Variants in ECSIT observed in about 807,000 individuals in gnomAD.
The protein encoded by ECSIT is ECSIT signaling integrator.
Under a neutral mutation model 36.8 loss-of-function variants are expected in ECSIT, and 29 were observed. That is an observed-to-expected ratio of 0.79 (90% CI 0.59 to 1.08). The LOEUF (loss-of-function observed/expected upper bound fraction) is 1.08. Ranked by LOEUF, ECSIT falls within the 50% of genes least tolerant of loss-of-function variation. The pLI, the probability that ECSIT is intolerant of heterozygous loss-of-function variation, is 0.00. For synonymous variants in ECSIT, 231 were observed against 234.8 expected (o/e 0.98, Z 0.15); for missense variants, 542 against 581.0 (o/e 0.93, Z 0.69).
At chr19:11,523,075 C>T (rs1972140879) in intron 1 of ECSIT, among the ~76,000 whole-genome samples, 1 of 151,994 alleles carries the variant, frequency 6.6e-6, no homozygotes, top group Non-Finnish European at 1.5e-5. Context: ...AAAAAAGTTA[C>T]AGCTGAATGT....
At chr19:11,518,405 C>G (rs1017583768) in intron 2 of ECSIT, among the ~76,000 whole-genome samples, 3 of 150,862 alleles carry the variant, frequency 2.0e-5, no homozygotes, top group African/African-American at 7.3e-5. Context: ...CCAGCTTTGG[C>G]GACAAGAGCA....
Position 11,507,841 on chromosome 19 carries a change from C to T in ECSIT, c.806G>A (p.Ser269Asn). 6.2e-7 allele frequency: 1 copy of T among 1,613,648 alleles called. No homozygotes were observed. The highest frequency in any genetic ancestry group is 8.5e-7 in the Non-Finnish European group (1 of 1,179,966). Residue 269 changes from serine (S) to asparagine (N), a missense_variant, in exon 6 of 8, where the codon AGT becomes AAT. Physicochemically the swap from Ser to Asn is conservative, Grantham distance 46. Transcript: ENST00000270517. ...PPQPHIVGIQ[S>N]PDQQAALARH... is the part of the protein sequence containing the mutation. ...GGCCAGGGCGGCCTGCTGATCGGGA[C>T]TCTGGATTCCTGGTGTGGAGACATA...
At chr19:11,526,878 C>T (rs991718019) in intron 1 of ECSIT, among the ~76,000 whole-genome samples, 2 of 152,012 alleles carry the variant, frequency 1.3e-5, no homozygotes, top group East Asian at 1.9e-4. Context: ...TGCCACCACA[C>T]CCAGCTAATT....
rs1313549967 is a variant in ECSIT at position 11,516,489 on chromosome 19, GA to G, written c.97-2269del. On this transcript the variant is annotated intron_variant, in intron 2 of 7. Transcript: ENST00000270517. Reference sequence around the variant, plus strand: ...ACATAGTGAGACTCCATCTCTCTATGAAAAAATAAAAAAATAAGCGGGGCGT... The same window carrying G: ...ACATAGTGAGACTCCATCTCTCTATGAAAAATAAAAAAATAAGCGGGGCGT... 7.3e-5 allele frequency among the ~76,000 whole-genome samples: 11 copies of G among 151,488 alleles called. No homozygotes were observed. The East Asian group carries it at 2.1e-3, about 30-fold the overall frequency.
Position 11,506,447 on chromosome 19 carries a change from C to A in ECSIT, c.1052-19G>T. ...TCCTCCACTGTTGGAAGACATGCAC[C>A]CTTAAGGTTTGCACAGTGGGGGCTG... On this transcript the variant is annotated intron_variant, in intron 7 of 7. Transcript: ENST00000270517. 2 of 1,602,140 alleles carry A rather than the reference C, an allele frequency of 1.2e-6. No homozygotes were observed. The highest frequency in any genetic ancestry group is 1.7e-6 in the Non-Finnish European group (2 of 1,171,396).
chr19:11,519,201 A>G lies in ECSIT; in HGVS notation c.-23-8T>C. On this transcript the variant is annotated splice_polypyrimidine_tract_variant and splice_region_variant and intron_variant, in intron 1 of 7. Coordinates refer to ENST00000270517, the MANE Select transcript of ECSIT (RefSeq NM_016581.5). The surrounding 1 kb of genome is among the most constrained non-coding windows in gnomAD (Gnocchi z 4.4). ...TGCTTGTCAGACAATCACCTGGCCCAAAAGAAGATTCAGCATTAGCCTGGC... is the reference window on the plus strand; with the variant it reads ...TGCTTGTCAGACAATCACCTGGCCCGAAAGAAGATTCAGCATTAGCCTGGC... 1 of 1,531,918 alleles carries G rather than the reference A, an allele frequency of 6.5e-7. No homozygotes were observed. Among genetic ancestry groups the G allele is most frequent in the Non-Finnish European group, 8.8e-7 (1 of 1,133,178 alleles). 94.9% of individuals were successfully genotyped at this position (1,531,918 alleles called of 1,614,324 possible).
chr19:11,521,222 C>G (rs998572653), intron 1 of ECSIT, among the ~76,000 whole-genome samples: 1 of 152,174 alleles, frequency 6.6e-6, no homozygotes, highest in Non-Finnish European at 1.5e-5. Flanking sequence ...GTTATAACTA[C>G]TACTGCCATG....
intron 1 of ECSIT, among the ~76,000 whole-genome samples, chr19:11,520,328 C>T (rs958732878): frequency 2.6e-5 from 4 of 151,872 alleles, no homozygotes; most frequent in African/African-American, 4.8e-5. Flanking sequence ...CATGCCACCA[C>T]GCCCGGCTAA....
intron 1 of ECSIT, chr19:11,525,783 T>C (rs1426749667): frequency 6.7e-6 from 1 of 148,542 alleles, no homozygotes; most frequent in East Asian, 2.0e-4. Flanking sequence ...CCGGGTGTGG[T>C]GTATGCTTGT....
intron 6 of ECSIT, 60 bp from the exon 7 acceptor site, chr19:11,507,622 C>G: frequency 1.2e-6 from 2 of 1,613,464 alleles, no homozygotes; most frequent in Non-Finnish European, 1.7e-6. Context: ...GGTCTCCCTC[C>G]TCCAGCCTCT....
At chr19:11,528,151 C>T (rs890635425) in intron 1 of ECSIT, among the ~76,000 whole-genome samples, 1 of 152,254 alleles carries the variant, frequency 6.6e-6, no homozygotes, top group Non-Finnish European at 1.5e-5. Context: ...CTGTCTAGAG[C>T]TTTCTTCCTC....
In ECSIT at chr19:11,507,749, C is replaced by T. The variant is rs1199132819; in HGVS notation, c.898G>A (p.Val300Met). 6.2e-7 allele frequency: 1 copy of T among 1,613,978 alleles called. No individual in the cohort carries two copies. The highest frequency in any genetic ancestry group is 8.5e-7 in the Non-Finnish European group (1 of 1,180,050). ...PFSLWLRNKC[V>M]YYHILRADLL... ...TCAGCTCTGAGGATGTGGTAATACA[C>T]ACACTTGTTGCGGAGCCACAGGGAG... Residue 300 changes from valine to methionine, a missense_variant, in exon 6 of 8, where the codon GTG (valine) becomes ATG (methionine). Val to Met is a conservative substitution (Grantham distance 21, BLOSUM62 1). Transcript: ENST00000270517.
At chr19:11,517,243 C>A (rs888551808) in intron 2 of ECSIT, among the ~76,000 whole-genome samples, 1 of 151,636 alleles carries the variant, frequency 6.6e-6, no homozygotes, top group Admixed American at 6.6e-5. Context: ...CTGCGGTCCC[C>A]ACAGCCATCC....
At position 11,506,254 on chromosome 19, in the gene ECSIT, T is replaced by C; in HGVS notation, c.1226A>G (p.Glu409Gly). Reference protein sequence around the residue: ...ELQTSSAGLEEPPLPEDHQEE... With the variant: ...ELQTSSAGLEGPPLPEDHQEE... ...CTGGTGGTCCTCGGGCAGGGGCGGC[T>C]CCTCCAGCCCTGCAGAGGATGTCTG... The change falls in exon 8 of 8, where the codon GAG becomes GGG. Residue 409 changes from glutamate to glycine, a missense_variant. Coordinates refer to ENST00000270517, the MANE Select transcript of ECSIT (RefSeq NM_016581.5). The C allele has an allele frequency of 6.2e-7, 1 of 1,610,886 alleles. No individual in the cohort carries two copies.
rs60161140 is a variant in ECSIT at position 11,507,282 on chromosome 19, C to CTT, written c.1051+173_1051+174dup. Among the ~76,000 whole-genome samples, 707 of 133,474 alleles carry CTT rather than the reference C, an allele frequency of 5.3e-3. 11 individuals carry two copies. Among genetic ancestry groups the CTT allele is most frequent in the African/African-American group, 0.019 (663 of 35,084 alleles). 87.6% of individuals were successfully genotyped at this position (133,474 alleles called of 152,430 possible). A position where few individuals can be genotyped will look rare whatever the true frequency, so the allele number is the denominator to read the frequency against. ...AAGTCCTGCCTGTCCAGGTTTTTGCCTTTTTTTTTTTTTTTTTTGACACAG... is the reference window on the plus strand; with the variant it reads ...AAGTCCTGCCTGTCCAGGTTTTTGCCTTTTTTTTTTTTTTTTTTTTGACACAG... On this transcript the variant is annotated intron_variant, in intron 7 of 7. Coordinates refer to ENST00000270517, the MANE Select transcript of ECSIT (RefSeq NM_016581.5).
At chr19:11,508,665 G>A (rs2144967491) in intron 4 of ECSIT, among the ~76,000 whole-genome samples, 1 of 152,170 alleles carries the variant, frequency 6.6e-6, no homozygotes, top group South Asian at 2.1e-4. Context: ...CGATTCTCCT[G>A]CGTCGGCCTC....
intron 2 of ECSIT, among the ~76,000 whole-genome samples, chr19:11,518,393 C>G (rs1972039276): frequency 6.6e-6 from 1 of 151,902 alleles, no homozygotes; most frequent in South Asian, 2.1e-4. Context: ...CGCCACTGCA[C>G]TCCAGCTTTG....
chr19:11,514,272 G>T (rs1402967788), intron 2 of ECSIT, 51 bp from the exon 3 acceptor site: 2 of 1,506,290 alleles, frequency 1.3e-6, no homozygotes, highest in African/African-American at 1.4e-5. Context: ...GTGTCTATGG[G>T]GGGCCGCCAG....
intron 1 of ECSIT, among the ~76,000 whole-genome samples, chr19:11,525,910 C>A (rs1972206456): frequency 6.6e-6 from 1 of 151,254 alleles, no homozygotes. Flanking sequence ...AGCGAAACTC[C>A]ATCTCAAAAA....
Sources: allele counts gnomAD v4.1 joint callset (sites outside exome capture counted in the v4.1 genomes callset), GRCh38; gene constraint gnomAD v4.1.1; non-coding constraint Gnocchi (gnomAD v3.1); transcripts MANE v1.5; gene names NCBI Gene and HGNC (gene_info 2026-07-23, HGNC 2026-07-21).